STK39: variants seen among roughly 807,000 people sequenced by gnomAD.
STK39 encodes serine/threonine kinase 39.
In STK39, 20 loss-of-function variants were observed where a neutral mutation model predicts 77.8. The observed-to-expected ratio is 0.26, with a 90% CI of 0.18 to 0.37. STK39 has a LOEUF of 0.37. STK39 is among the 10% of genes least tolerant of loss of function. The pLI is 1.00. For missense variants in STK39, 479 were observed against 656.5 expected (o/e 0.73, Z 2.95); for synonymous variants, 246 against 234.1 (o/e 1.05, Z -0.47).
intron 1 of STK39, among the ~76,000 whole-genome samples, chr2:168,195,878 G>A (rs560299901): frequency 7.2e-5 from 11 of 152,180 alleles, no homozygotes; most frequent in Admixed American, 4.6e-4. Flanking sequence ...TTAGATGGGC[G>A]TGGTGGCGGG....
intron 10 of STK39, among the ~76,000 whole-genome samples, chr2:168,119,888 A>G (rs1226073895): frequency 6.6e-6 from 1 of 152,192 alleles, no homozygotes; most frequent in Non-Finnish European, 1.5e-5. Context: ...TTATCGACTA[A>G]AAGAAGAAAC....
intron 10 of STK39, among the ~76,000 whole-genome samples, chr2:168,090,870 A>T (rs1334774337): frequency 6.6e-6 from 1 of 152,168 alleles, no homozygotes; most frequent in Non-Finnish European, 1.5e-5. Context: ...GCTGGTGTCA[A>T]GAAAACTCTG....
intron 14 of STK39, among the ~76,000 whole-genome samples, chr2:168,019,608 G>A (rs16854567): frequency 0.48 from 73,058 of 152,078 alleles, 18,786 homozygotes; most frequent in Non-Finnish European, 0.56. Context: ...CCCTGCCCTG[G>A]AGGTGGAGTG....
At chr2:167,980,487 T>C (rs1037070279) in intron 16 of STK39, among the ~76,000 whole-genome samples, 2 of 152,196 alleles carry the variant, frequency 1.3e-5, no homozygotes, top group Non-Finnish European at 2.9e-5. Context: ...AAAGTTAAAA[T>C]TAATGAGATA....
At chr2:168,234,432 T>C (rs1690544955) in intron 1 of STK39, among the ~76,000 whole-genome samples, 1 of 152,354 alleles carries the variant, frequency 6.6e-6, no homozygotes, top group African/African-American at 2.4e-5. Flanking sequence ...AGTGTGGTGC[T>C]AGCCCCTTTC....
intron 16 of STK39, among the ~76,000 whole-genome samples, chr2:167,964,957 T>C (rs1474812212): frequency 1.3e-5 from 2 of 152,232 alleles, no homozygotes; most frequent in Non-Finnish European, 2.9e-5. Context: ...TTAATCACTG[T>C]ATGTCAACTC....
chr2:168,114,948 AG>A (rs1195788171), intron 10 of STK39, among the ~76,000 whole-genome samples: 3 of 152,358 alleles, frequency 2.0e-5, no homozygotes, highest in Admixed American at 2.0e-4. Flanking sequence ...GTCCAAGAAC[AG>A]ACTGCAGAAC....
intron 1 of STK39, among the ~76,000 whole-genome samples, chr2:168,193,712 T>C (rs188627129): frequency 7.7e-4 from 118 of 152,336 alleles, no homozygotes; most frequent in African/African-American, 2.6e-3. Flanking sequence ...TGTGTTGTAT[T>C]GAAAGATGTG....
chr2:168,184,674 T>C (rs966811649), intron 1 of STK39, among the ~76,000 whole-genome samples: 5 of 152,186 alleles, frequency 3.3e-5, no homozygotes, highest in African/African-American at 1.2e-4. Flanking sequence ...TGGTGTTTTT[T>C]CAAATTGCCA....
intron 5 of STK39, among the ~76,000 whole-genome samples, chr2:168,141,951 T>A (rs1687995609): frequency 2.8e-5 from 3 of 108,852 alleles, no homozygotes; most frequent in African/African-American, 9.0e-5. Context: ...GCATTTTATT[T>A]ATATTTAAAT....
At chr2:167,996,951 G>T (rs546899552) in intron 16 of STK39, among the ~76,000 whole-genome samples, 1 of 151,304 alleles carries the variant, frequency 6.6e-6, no homozygotes, top group South Asian at 2.1e-4. Context: ...AGTAAGAGAG[G>T]GTCATTGCAG....
At chr2:168,015,569 G>T (rs538191405) in intron 15 of STK39, among the ~76,000 whole-genome samples, 1 of 152,168 alleles carries the variant, frequency 6.6e-6, no homozygotes, top group Admixed American at 6.5e-5. Flanking sequence ...AGTGCCCATG[G>T]TCCAGTAATG....
chr2:168,006,221 C>A (rs1684129964), intron 16 of STK39, among the ~76,000 whole-genome samples: 1 of 152,322 alleles, frequency 6.6e-6, no homozygotes, highest in Non-Finnish European at 1.5e-5. Flanking sequence ...ACCCTGGCCT[C>A]TGTATTGAGC....
chr2:167,962,288 G>A (rs1230987895), intron 17 of STK39, among the ~76,000 whole-genome samples: 2 of 152,188 alleles, frequency 1.3e-5, no homozygotes, highest in African/African-American at 4.8e-5. Context: ...GTTGATGAAT[G>A]AAGGTAAATA....
At position 168,129,562 on chromosome 2, in the gene STK39, G is replaced by A. The variant is rs760592031; in HGVS notation, c.1068C>T (p.Asp356=). 6.2e-7 allele frequency: 1 copy of A among 1,614,066 alleles called. No homozygotes were observed. The highest frequency in any genetic ancestry group is 1.1e-5 in the South Asian group (1 of 91,076). The stretch of plus-strand genomic sequence containing the variant: ...TTACCTTTTTGGCTCTTTGGGCTAT[G>A]TCTGGTGTTCTTGTAAGCAGCTTCT... ...LIEKLLTRTP[D]IAQRAKKVRR... The change falls in exon 10 of 18, where the codon GAC becomes GAT. Residue 356 remains aspartate (D), a synonymous_variant. Transcript: ENST00000355999.
chr2:168,083,224 TCTC>T (rs1442830016), intron 10 of STK39, among the ~76,000 whole-genome samples: 5 of 150,914 alleles, frequency 3.3e-5, no homozygotes, highest in Non-Finnish European at 2.9e-5. Context: ...CCTTCCACAT[TCTC>T]CTTTTTTTTT....
intron 16 of STK39, among the ~76,000 whole-genome samples, chr2:167,968,926 G>T (rs1367977630): frequency 6.6e-6 from 1 of 152,138 alleles, no homozygotes; most frequent in Non-Finnish European, 1.5e-5. Flanking sequence ...TAAATCTCCA[G>T]GCTCTTATCT....
intron 10 of STK39, among the ~76,000 whole-genome samples, chr2:168,110,861 G>T (rs946106374): frequency 5.3e-5 from 8 of 152,026 alleles, no homozygotes; most frequent in African/African-American, 1.9e-4. Flanking sequence ...AATCAATTTG[G>T]GGATAAATGG....
intron 5 of STK39, among the ~76,000 whole-genome samples, chr2:168,150,886 C>G (rs1244741412): frequency 6.6e-6 from 1 of 152,036 alleles, no homozygotes; most frequent in East Asian, 2.0e-4. Flanking sequence ...CAAGAGGAAC[C>G]ATGTAGAACC....
Sources: allele counts gnomAD v4.1 joint callset (sites outside exome capture counted in the v4.1 genomes callset), GRCh38; gene constraint gnomAD v4.1.1; transcripts MANE v1.5; gene names NCBI Gene and HGNC (gene_info 2026-07-23, HGNC 2026-07-21).